Variants in PPP3R1 observed in about 807,000 individuals in gnomAD.
PPP3R1 encodes calcineurin subunit B type 1.
In PPP3R1, 5 loss-of-function variants were observed where a neutral mutation model predicts 22.6. The ratio of observed to expected loss-of-function variants is 0.22; its 90% CI spans 0.12 to 0.46. The LOEUF (loss-of-function observed/expected upper bound fraction) is 0.46. Among genes scored for constraint, PPP3R1 ranks in the 20% least tolerant of loss-of-function variants. PPP3R1 has a pLI of 0.99. For synonymous variants in PPP3R1, 56 were observed against 65.2 expected, an observed-to-expected ratio of 0.86 and a Z score of 0.68; for missense variants, 61 against 203.2, an observed-to-expected ratio of 0.30 and a Z score of 4.25.
At chr2:68,212,203 C>T (rs536227989) in intron 2 of PPP3R1, among the ~76,000 whole-genome samples, 47 of 152,258 alleles carry the variant, frequency 3.1e-4, no homozygotes, top group South Asian at 1.4e-3. Context: ...GCCTCAGCCA[C>T]CTGAGTAGCT....
chr2:68,197,671 A>C (rs1410847727), intron 2 of PPP3R1, among the ~76,000 whole-genome samples: 3 of 151,626 alleles, frequency 2.0e-5, no homozygotes, highest in African/African-American at 7.3e-5. Flanking sequence ...TGTGCTTTTA[A>C]AAAAAAAGCG....
intron 2 of PPP3R1, among the ~76,000 whole-genome samples, chr2:68,208,889 C>T (rs1669390582): frequency 6.6e-6 from 1 of 151,288 alleles, no homozygotes; most frequent in Non-Finnish European, 1.5e-5. Flanking sequence ...TACCACTGCT[C>T]TCCAGCCTGG....
At chr2:68,198,295 A>T (rs62641636) in intron 2 of PPP3R1, among the ~76,000 whole-genome samples, 67 of 128,452 alleles carry the variant, frequency 5.2e-4, no homozygotes, top group Non-Finnish European at 8.7e-4. Flanking sequence ...GTGTATACAC[A>T]TGTATACATG....
intron 1 of PPP3R1, among the ~76,000 whole-genome samples, chr2:68,217,419 T>TG (rs370636165): frequency 0.015 from 2,300 of 152,246 alleles, 30 homozygotes; most frequent in Non-Finnish European, 0.025. Flanking sequence ...CTAAATAAGT[T>TG]ATATGCCAAA....
At chr2:68,212,548 A>G (rs573718407) in intron 2 of PPP3R1, among the ~76,000 whole-genome samples, 14 of 152,294 alleles carry the variant, frequency 9.2e-5, no homozygotes, top group African/African-American at 3.4e-4. Context: ...AGGCATGAAA[A>G]CGTTACTCTC....
chr2:68,193,925 G>T (rs561073393), intron 2 of PPP3R1, among the ~76,000 whole-genome samples: 15 of 152,094 alleles, frequency 9.9e-5, no homozygotes, highest in African/African-American at 3.6e-4. Flanking sequence ...CTGCTGCTTA[G>T]GATCATATTC....
intron 2 of PPP3R1, among the ~76,000 whole-genome samples, chr2:68,213,705 A>C (rs926469393): frequency 6.6e-5 from 10 of 152,246 alleles, no homozygotes; most frequent in African/African-American, 2.4e-4. Flanking sequence ...ATTATCTGCA[A>C]AAGTACAATA....
chr2:68,206,219 G>A (rs1675122553), intron 2 of PPP3R1, among the ~76,000 whole-genome samples: 1 of 152,134 alleles, frequency 6.6e-6, no homozygotes, highest in African/African-American at 2.4e-5. Flanking sequence ...ACTGAAGAGA[G>A]GAAGAAGCTG....
chr2:68,223,231 T>C (rs1669719506), intron 1 of PPP3R1, among the ~76,000 whole-genome samples: 1 of 152,078 alleles, frequency 6.6e-6, no homozygotes. Context: ...CCATCTCTAC[T>C]AAGAATACAA....
At chr2:68,207,125 A>AG (rs1391651459) in intron 2 of PPP3R1, among the ~76,000 whole-genome samples, 1 of 151,706 alleles carries the variant, frequency 6.6e-6, no homozygotes, top group Non-Finnish European at 1.5e-5. Context: ...AAAAAAAAAA[A>AG]ATTACTACAA....
At chr2:68,198,818 A>G (rs1019379063) in intron 2 of PPP3R1, among the ~76,000 whole-genome samples, 14 of 152,166 alleles carry the variant, frequency 9.2e-5, no homozygotes, top group Admixed American at 6.5e-4. Context: ...AATGCGGTAT[A>G]TATCTTCATT....
At chr2:68,199,240 G>A (rs1674905181) in intron 2 of PPP3R1, among the ~76,000 whole-genome samples, 1 of 152,142 alleles carries the variant, frequency 6.6e-6, no homozygotes, top group Admixed American at 6.5e-5. Context: ...AGGATTACAG[G>A]CGTGAGCCAC....
At chr2:68,224,851 T>C (rs1669753818) in intron 1 of PPP3R1, among the ~76,000 whole-genome samples, 1 of 152,012 alleles carries the variant, frequency 6.6e-6, no homozygotes, top group African/African-American at 2.4e-5. Context: ...AATAGCAATA[T>C]GCAATTTAAA....
At chr2:68,209,891 A>G (rs550143181) in intron 2 of PPP3R1, among the ~76,000 whole-genome samples, 1 of 152,312 alleles carries the variant, frequency 6.6e-6, no homozygotes, top group Non-Finnish European at 1.5e-5. Context: ...TCAAATAAAG[A>G]GCTGACCAAA....
At chr2:68,203,284 C>T (rs1433016092) in intron 2 of PPP3R1, among the ~76,000 whole-genome samples, 2 of 152,152 alleles carry the variant, frequency 1.3e-5, no homozygotes, top group African/African-American at 2.4e-5. Flanking sequence ...TCAAAATTAA[C>T]GGCATACAAT....
Position 68,178,995 on chromosome 2 carries a change from TAAAAAAAAAAA to T in PPP3R1, c.*1957_*1967del, listed in dbSNP as rs560363918. ...CCCTTACCCACCCCCACACACAAAC[TAAAAAAAAAAA>T]AAAAAAAAAAGAAAAAGAAAAAACC... On this transcript the variant is annotated 3_prime_UTR_variant, in exon 6 of 6. Transcript: ENST00000234310. 4 of 93,726 alleles carry T rather than the reference TAAAAAAAAAAA, an allele frequency of 4.3e-5. No individual in the cohort carries two copies. In the East Asian group the frequency reaches 1.1e-3, roughly 26 times the overall value. The allele number at this position is 93,726 out of a possible 1,614,324, so 5.8% of individuals were successfully genotyped here. A position where few individuals can be genotyped will look rare whatever the true frequency, so the allele number is the denominator to read the frequency against.
At chr2:68,193,933 T>C (rs2103731203) in intron 2 of PPP3R1, among the ~76,000 whole-genome samples, 1 of 152,222 alleles carries the variant, frequency 6.6e-6, no homozygotes, top group East Asian at 1.9e-4. Context: ...TAGGATCATA[T>C]TCCCTTAAAA....
chr2:68,224,961 G>A (rs980157640), intron 1 of PPP3R1, among the ~76,000 whole-genome samples: 2 of 152,138 alleles, frequency 1.3e-5, no homozygotes, highest in Admixed American at 1.3e-4. Context: ...AGACATTAGA[G>A]AAATGCAAGT....
chr2:68,189,222 A>T (rs1674611152), intron 2 of PPP3R1, among the ~76,000 whole-genome samples: 1 of 152,106 alleles, frequency 6.6e-6, no homozygotes, highest in South Asian at 2.1e-4. Context: ...ACCCCGAGAT[A>T]TCCATTTCCT....
Sources: gnomAD v4.1 joint callset for allele counts (sites outside exome capture counted in the v4.1 genomes callset) on GRCh38, gnomAD v4.1.1 for gene constraint, MANE v1.5 for transcripts, NCBI Gene and HGNC (gene_info 2026-07-23, HGNC 2026-07-21) for gene names.